The following RBFOX1 variants were observed in gnomAD, a reference collection of about 807,000 sequenced individuals.
RBFOX1 encodes RNA binding protein fox-1 homolog 1.
RBFOX1 carries 8 observed loss-of-function variants against 57.7 expected under a neutral mutation model. That is an observed-to-expected ratio of 0.14 (90% confidence interval 0.08 to 0.25). The LOEUF is 0.25. Among genes scored for constraint, RBFOX1 ranks in the 10% least tolerant of loss-of-function variants. The probability of loss-of-function intolerance (pLI) is 1.00; values close to 1 mark genes in which losing one functional copy is unlikely to be tolerated. For missense variants in RBFOX1, 611 were observed against 548.5 expected (o/e 1.11, Z -1.14); for synonymous variants, 326 against 222.4 (o/e 1.47, Z -4.15).
chr16:5,774,530 T>G (rs901964315), intron 3 of RBFOX1, among the ~76,000 whole-genome samples: 2 of 152,226 alleles, frequency 1.3e-5, no homozygotes, highest in Admixed American at 1.3e-4. Context: ...GCAGCTTCCT[T>G]CCACATATCC....
At chr16:5,501,998 C>G (rs1401837447) in intron 2 of RBFOX1, among the ~76,000 whole-genome samples, 1 of 152,016 alleles carries the variant, frequency 6.6e-6, no homozygotes, top group Non-Finnish European at 1.5e-5. Context: ...GCTGGGATTA[C>G]AGGCATGAGC....
At position 6,806,032 on chromosome 16, in the gene RBFOX1, C is replaced by T. The variant is rs1426069758; in HGVS notation, c.-16+151382C>T. Among the ~76,000 whole-genome samples, 3 of 152,092 alleles carry T rather than the reference C, an allele frequency of 2.0e-5. No individual in the cohort carries two copies. In the East Asian group the frequency reaches 5.8e-4, roughly 29 times the overall value. ...TGGGTATTCATACTCAAAATATTTGCTAGTTGCAGCTCTATAAGAAGTCAT... is the reference window on the plus strand; with the variant it reads ...TGGGTATTCATACTCAAAATATTTGTTAGTTGCAGCTCTATAAGAAGTCAT... On this transcript the variant is annotated intron_variant, in intron 3 of 15. Coordinates refer to ENST00000550418, the MANE Select transcript of RBFOX1 (RefSeq NM_018723.4).
At chr16:6,693,311 C>G (rs889278037) in intron 3 of RBFOX1, among the ~76,000 whole-genome samples, 1 of 151,550 alleles carries the variant, frequency 6.6e-6, no homozygotes, top group Non-Finnish European at 1.5e-5. Context: ...CCTCCACTAC[C>G]AACACCACCA....
chr16:6,880,258 G>C (rs147404347), intron 3 of RBFOX1, among the ~76,000 whole-genome samples: 10 of 152,264 alleles, frequency 6.6e-5, no homozygotes, highest in Admixed American at 3.9e-4. Context: ...AAAGAGCAGA[G>C]TTAACCTTGG....
At chr16:5,614,101 G>A (rs1270356979) in intron 3 of RBFOX1, among the ~76,000 whole-genome samples, 1 of 152,072 alleles carries the variant, frequency 6.6e-6, no homozygotes, top group African/African-American at 2.4e-5. Context: ...TAGGAATGAT[G>A]CCCACCTGGT....
intron 4 of RBFOX1, among the ~76,000 whole-genome samples, chr16:7,350,050 G>A (rs1008878962): frequency 2.0e-5 from 3 of 152,124 alleles, no homozygotes; most frequent in African/African-American, 7.2e-5. Context: ...GGGTGGCTGA[G>A]GTGGGAGAAT....
At chr16:6,314,625 A>G (rs561871140) in intron 1 of RBFOX1, among the ~76,000 whole-genome samples, 2 of 152,098 alleles carry the variant, frequency 1.3e-5, no homozygotes, top group Admixed American at 6.6e-5. Context: ...CTTAGAATGT[A>G]AGGATATGTT....
chr16:5,293,761 G>C (rs1381813643), intron 1 of RBFOX1, among the ~76,000 whole-genome samples: 1 of 151,818 alleles, frequency 6.6e-6, no homozygotes, highest in African/African-American at 2.4e-5. Context: ...GAAAGGGGAG[G>C]GGATGGAGAG....
intron 1 of RBFOX1, among the ~76,000 whole-genome samples, chr16:5,290,490 C>T (rs2063506985): frequency 6.6e-6 from 1 of 152,232 alleles, no homozygotes; most frequent in Admixed American, 6.5e-5. Flanking sequence ...TCTGTGAATG[C>T]ACTGAAACCA....
At chr16:6,263,277 T>A (rs558380508) in intron 1 of RBFOX1, among the ~76,000 whole-genome samples, 1 of 152,206 alleles carries the variant, frequency 6.6e-6, no homozygotes, top group East Asian at 1.9e-4. Context: ...CAGTCTTAGC[T>A]GGAATCATTC....
chr16:5,291,154 C>T (rs913990909), intron 1 of RBFOX1, among the ~76,000 whole-genome samples: 1 of 152,116 alleles, frequency 6.6e-6, no homozygotes, highest in Non-Finnish European at 1.5e-5. Context: ...CCTTGGGCAT[C>T]CCATGTAACT....
intron 2 of RBFOX1, among the ~76,000 whole-genome samples, chr16:6,506,834 G>A (rs1160650588): frequency 6.6e-6 from 1 of 152,046 alleles, no homozygotes; most frequent in African/African-American, 2.4e-5. Context: ...TTTTAGTAGA[G>A]AGAGGGTTTG....
chr16:7,278,923 A>T (rs1422006627), intron 4 of RBFOX1, among the ~76,000 whole-genome samples: 3 of 152,154 alleles, frequency 2.0e-5, no homozygotes, highest in Non-Finnish European at 4.4e-5. Flanking sequence ...GAAGATAGTT[A>T]AAATTTGATT....
At chr16:7,188,114 A>T (rs1370133979) in intron 4 of RBFOX1, among the ~76,000 whole-genome samples, 1 of 152,190 alleles carries the variant, frequency 6.6e-6, no homozygotes, top group Non-Finnish European at 1.5e-5. Context: ...ATTGTGTTTA[A>T]CAATTTTGGA....
intron 1 of RBFOX1, among the ~76,000 whole-genome samples, chr16:6,062,121 C>A (rs2095694612): frequency 6.6e-6 from 1 of 152,158 alleles, no homozygotes; most frequent in Non-Finnish European, 1.5e-5. Flanking sequence ...TGGGGCTGAG[C>A]ATGTGGATAG....
Position 5,253,802 on chromosome 16 carries a change from A to G in RBFOX1, c.219+13697A>G, listed in dbSNP as rs181163035. Among the ~76,000 whole-genome samples, 379 of 152,246 alleles carry G rather than the reference A, an allele frequency of 2.5e-3. 4 individuals are homozygous for G. The highest frequency in any genetic ancestry group is 8.5e-3 in the African/African-American group (355 of 41,528). ...GCACTTCCTTTGCTCTTTTCCTGCC[A>G]CAGGGCCTTTGCACATCCTGCTCTT... On this transcript the variant is annotated intron_variant, in intron 1 of 2. Transcript: ENST00000585867.
At chr16:7,146,242 A>G (rs1451130856) in intron 4 of RBFOX1, among the ~76,000 whole-genome samples, 1 of 152,226 alleles carries the variant, frequency 6.6e-6, no homozygotes, top group African/African-American at 2.4e-5. Flanking sequence ...ATATGCAGGA[A>G]CAGCAGATGC....
At chr16:6,571,407 CTG>C (rs2097342800) in intron 2 of RBFOX1, among the ~76,000 whole-genome samples, 1 of 152,174 alleles carries the variant, frequency 6.6e-6, no homozygotes, top group Non-Finnish European at 1.5e-5. Context: ...TATCAGGTGA[CTG>C]TGATCTATGG....
At chr16:7,700,090 T>G (rs1294124708) in intron 14 of RBFOX1, among the ~76,000 whole-genome samples, 2 of 152,110 alleles carry the variant, frequency 1.3e-5, no homozygotes, top group Non-Finnish European at 2.9e-5. Context: ...GTCTTAATCT[T>G]TGATCTGCTT....
Sources: gnomAD v4.1 joint callset for allele counts (sites outside exome capture counted in the v4.1 genomes callset) on GRCh38, gnomAD v4.1.1 for gene constraint, MANE v1.5 for transcripts, NCBI Gene and HGNC (gene_info 2026-07-23, HGNC 2026-07-21) for gene names.